KMT2E: variants seen among roughly 807,000 people sequenced by gnomAD.
The protein encoded by KMT2E is lysine methyltransferase 2E (inactive).
KMT2E carries 30 observed loss-of-function variants against 184.6 expected under a neutral mutation model. The ratio of observed to expected loss-of-function variants is 0.16; its 90% CI spans 0.12 to 0.22. The LOEUF is 0.22. Ranked by LOEUF, KMT2E falls within the 10% of genes least tolerant of loss-of-function variation. The pLI is 1.00. For synonymous variants in KMT2E, 815 were observed against 776.5 expected, an observed-to-expected ratio of 1.05 and a Z score of -0.82; for missense variants, 2,023 against 2,237.4, an observed-to-expected ratio of 0.90 and a Z score of 1.93.
chr7:105,070,619 C>T (rs1400650118), intron 6 of KMT2E, among the ~76,000 whole-genome samples: 2 of 108,980 alleles, frequency 1.8e-5, no homozygotes, highest in African/African-American at 3.8e-5. Flanking sequence ...TGTGAGAGAG[C>T]GGGACTGTGT....
At chr7:105,058,434 A>G (rs1796661617) in intron 3 of KMT2E, among the ~76,000 whole-genome samples, 1 of 152,204 alleles carries the variant, frequency 6.6e-6, no homozygotes, top group Non-Finnish European at 1.5e-5. Flanking sequence ...TTGCCCAGAT[A>G]TATAACCTCT....
chr7:105,071,742 C>G (rs1797329164), intron 6 of KMT2E, among the ~76,000 whole-genome samples: 1 of 148,474 alleles, frequency 6.7e-6, no homozygotes, highest in Admixed American at 6.7e-5. Flanking sequence ...CAGGCGTGGG[C>G]CACCACGCCC....
chr7:105,037,768 T>G (rs1446676062), intron 1 of KMT2E, among the ~76,000 whole-genome samples: 1 of 152,224 alleles, frequency 6.6e-6, no homozygotes, highest in Non-Finnish European at 1.5e-5. Flanking sequence ...TACTTCATTT[T>G]TCCTACTTGA....
rs57834400 is a variant in KMT2E at position 105,044,049 on chromosome 7, G to A, written c.71+3026G>A. Among the ~76,000 whole-genome samples, 493 of 152,320 alleles carry A rather than the reference G, an allele frequency of 3.2e-3. 2 individuals are homozygous for A. Among genetic ancestry groups the A allele is most frequent in the African/African-American group, 0.011 (475 of 41,568 alleles). On this transcript the variant is annotated intron_variant, in intron 3 of 26. Coordinates refer to ENST00000311117, the MANE Select transcript of KMT2E (RefSeq NM_182931.3). ...GGAGTTCCAGGCTGCAGTGAGCCATGATCGCACCACTGCGTTCCAGCCTGG... is the reference window on the plus strand; with the variant it reads ...GGAGTTCCAGGCTGCAGTGAGCCATAATCGCACCACTGCGTTCCAGCCTGG...
chr7:105,029,063 G>A (rs1409776085), intron 1 of KMT2E, among the ~76,000 whole-genome samples: 5 of 152,044 alleles, frequency 3.3e-5, no homozygotes, highest in East Asian at 3.9e-4. Context: ...TCAGGAGTTC[G>A]AGACTAGCCT....
intron 6 of KMT2E, among the ~76,000 whole-genome samples, chr7:105,072,797 C>T (rs1448430639): frequency 6.6e-6 from 1 of 152,022 alleles, no homozygotes; most frequent in Non-Finnish European, 1.5e-5. Context: ...TGCCCGGAAC[C>T]CCAGCTACTT....
At chr7:105,064,167 T>TG (rs1796936729) in intron 5 of KMT2E, 1 of 155,484 alleles carries the variant, frequency 6.4e-6, no homozygotes, top group Admixed American at 7.5e-5. Context: ...TTTCTTGGTT[T>TG]TTTTTTTTTT....
intron 1 of KMT2E, among the ~76,000 whole-genome samples, chr7:105,020,418 C>G (rs972317885): frequency 5.3e-5 from 8 of 151,934 alleles, no homozygotes; most frequent in African/African-American, 1.9e-4. Flanking sequence ...TGGTGAAACC[C>G]CATCTCTGCT....
At position 105,110,306 on chromosome 7, in the gene KMT2E, T is replaced by C; in HGVS notation, c.3782T>C (p.Val1261Ala). The change falls in exon 24 of 27, where the codon GTC (valine) becomes GCC (alanine). Residue 1261 changes from valine (V) to alanine (A), a missense_variant. Val to Ala is a moderately conservative substitution (Grantham distance 64). Transcript: ENST00000311117. ...QWTASTSVEQ[V>A]RERSYQRALL... is the part of the protein sequence containing the mutation. ...ACTGCCTCAACTTCAGTGGAACAAGTCAGAGAAAGGAGTTATCAGAGAGCT... is the reference window on the plus strand; with the variant it reads ...ACTGCCTCAACTTCAGTGGAACAAGCCAGAGAAAGGAGTTATCAGAGAGCT... 1.2e-6 allele frequency: 2 copies of C among 1,614,132 alleles called. No homozygotes were observed. The highest frequency in any genetic ancestry group is 1.7e-6 in the Non-Finnish European group (2 of 1,179,998).
chr7:105,110,668 A>G (rs1284733004), intron 25 of KMT2E, 66 bp downstream of exon 25: 11 of 1,607,086 alleles, frequency 6.8e-6, no homozygotes, highest in East Asian at 2.2e-5. Flanking sequence ...GAGAGCCTTT[A>G]TAAAAAGTTG....
At chr7:105,035,957 G>A (rs1257205465) in intron 1 of KMT2E, among the ~76,000 whole-genome samples, 1 of 152,178 alleles carries the variant, frequency 6.6e-6, no homozygotes, top group African/African-American at 2.4e-5. Flanking sequence ...ACTGGATCAG[G>A]TTTGAGGGAG....
At chr7:105,098,315 C>A (rs1798510268) in intron 15 of KMT2E, among the ~76,000 whole-genome samples, 1 of 151,356 alleles carries the variant, frequency 6.6e-6, no homozygotes, top group African/African-American at 2.4e-5. Flanking sequence ...CAATAGCTTA[C>A]TGCAGCCTCC....
At chr7:105,110,250 A>G (rs769491715) in intron 23 of KMT2E, 30 bp from the exon 24 acceptor site, 5 of 1,569,410 alleles carry the variant, frequency 3.2e-6, no homozygotes, top group East Asian at 4.5e-5. Context: ...GTTTCTTTCA[A>G]TAGAGGATAA....
At chr7:105,110,903 ACTTTAG>A in intron 26 of KMT2E, 35 bp downstream of exon 26, 1 of 1,463,428 alleles carries the variant, frequency 6.8e-7, no homozygotes, top group East Asian at 2.3e-5. Flanking sequence ...GTTCCAAAGG[ACTTTAG>A]GTTGAGTGCA....
At chr7:105,017,398 TTGGTGGTGG>T (rs1219565318) in intron 1 of KMT2E, among the ~76,000 whole-genome samples, 1 of 151,902 alleles carries the variant, frequency 6.6e-6, no homozygotes, top group Non-Finnish European at 1.5e-5. Context: ...TTGTTTCTTT[TTGGTGGTGG>T]TGGTGGGTGG....
intron 3 of KMT2E, among the ~76,000 whole-genome samples, chr7:105,042,049 G>T (rs1430479751): frequency 6.6e-6 from 1 of 152,150 alleles, no homozygotes; most frequent in Non-Finnish European, 1.5e-5. Context: ...CCAGGCTGGA[G>T]TGCAGTAGGG....
intron 3 of KMT2E, among the ~76,000 whole-genome samples, chr7:105,058,456 G>A (rs972839576): frequency 2.0e-5 from 3 of 152,158 alleles, no homozygotes; most frequent in Admixed American, 6.5e-5. Context: ...AAGGGTTGCA[G>A]TTTAGTTATT....
intron 3 of KMT2E, among the ~76,000 whole-genome samples, chr7:105,049,564 T>C (rs1488734701): frequency 6.6e-6 from 1 of 152,006 alleles, no homozygotes; most frequent in African/African-American, 2.4e-5. Context: ...TAAAATTTTG[T>C]ATTTATATTC....
intron 2 of KMT2E, chr7:105,039,318 A>T (rs747718568): frequency 4.9e-4 from 75 of 152,202 alleles, no homozygotes; most frequent in Non-Finnish European, 8.7e-4. Flanking sequence ...ATACTAGTAA[A>T]TAAATACCTA....
Sources: gnomAD v4.1 joint callset for allele counts (sites outside exome capture counted in the v4.1 genomes callset) on GRCh38, gnomAD v4.1.1 for gene constraint, MANE v1.5 for transcripts, NCBI Gene and HGNC (gene_info 2026-07-23, HGNC 2026-07-21) for gene names.